Variants in REV3L observed in about 807,000 individuals in gnomAD.
REV3L encodes DNA polymerase zeta catalytic subunit.
In REV3L, 69 loss-of-function variants were observed where a neutral mutation model predicts 299.4. The observed-to-expected ratio is 0.23, with a 90% confidence interval of 0.19 to 0.28. The LOEUF is 0.28. Among genes scored for constraint, REV3L ranks in the 10% least tolerant of loss-of-function variants. The pLI, the probability that REV3L is intolerant of heterozygous loss-of-function variation, is 1.00. For missense variants in REV3L, 3,128 were observed against 3,693.8 expected (o/e 0.85, Z 3.97); for synonymous variants, 1,238 against 1,271.4 (o/e 0.97, Z 0.56).
At chr6:111,470,151 A>G (rs894460926) in intron 1 of REV3L, among the ~76,000 whole-genome samples, 1 of 151,992 alleles carries the variant, frequency 6.6e-6, no homozygotes, top group African/African-American at 2.4e-5. Context: ...AAATGGGTTA[A>G]GAGTACCAGG....
chr6:111,333,055 A>T lies in REV3L; in HGVS notation c.7925+68T>A, dbSNP rs1017789227. On this transcript the variant is annotated intron_variant, in intron 23 of 31. Coordinates refer to ENST00000368802, the MANE Select transcript of REV3L (RefSeq NM_001372078.1). ...GTGTCCAGAGCAAAGAGACACTCAGAAAGTGTCTAATTTTAGTAAGAAGTA... is the reference window on the plus strand; with the variant it reads ...GTGTCCAGAGCAAAGAGACACTCAGTAAGTGTCTAATTTTAGTAAGAAGTA... 8.4e-6 allele frequency: 13 copies of T among 1,553,684 alleles called. No homozygotes were observed. The African/African-American group carries it at 1.2e-4, about 15-fold the overall frequency.
intron 18 of REV3L, chr6:111,353,560 C>T (rs1777789162): frequency 6.6e-6 from 1 of 152,066 alleles, no homozygotes; most frequent in Non-Finnish European, 1.5e-5. Context: ...TGCTGAGCAG[C>T]CTTCAAACTT....
chr6:111,347,545 TAGAA>T (rs1383869095), intron 20 of REV3L, among the ~76,000 whole-genome samples: 2 of 152,156 alleles, frequency 1.3e-5, no homozygotes, highest in East Asian at 3.8e-4. Flanking sequence ...AAGTATATAA[TAGAA>T]AGTGTCTAAT....
intron 26 of REV3L, among the ~76,000 whole-genome samples, chr6:111,320,130 G>A (rs1229553585): frequency 1.3e-5 from 2 of 151,282 alleles, no homozygotes; most frequent in Non-Finnish European, 2.9e-5. Context: ...GTGCAATGGC[G>A]CAATCTTGGC....
chr6:111,416,355 G>A lies in REV3L; in HGVS notation c.257C>T (p.Ala86Val), dbSNP rs1232965917. Reference protein sequence around the residue: ...LSQMAFSIDRALNVALGNPSS... With the variant: ...LSQMAFSIDRVLNVALGNPSS... ...TGGATTGCCTAAAGCCACATTAAGT[G>A]CTCTGTCGATACTGAATGCCATCTG... The change falls in exon 2 of 32, where the codon GCA (alanine) becomes GTA (valine). Residue 86 changes from alanine to valine, a missense_variant. Physicochemically the swap from Ala to Val is moderately conservative, Grantham distance 64. This residue lies in a region of REV3L where 2,409 missense variants were observed against 2,611.8 expected (regional missense o/e 0.92). Transcript: ENST00000368802. 1.2e-6 allele frequency: 2 copies of A among 1,613,602 alleles called. No individual in the cohort carries two copies. The highest frequency in any genetic ancestry group is 1.7e-6 in the Non-Finnish European group (2 of 1,179,700).
intron 1 of REV3L, among the ~76,000 whole-genome samples, chr6:111,422,599 T>C (rs531395364): frequency 0.019 from 288 of 14,996 alleles, 50 homozygotes; most frequent in African/African-American, 0.025. Flanking sequence ...TATATACACA[T>C]ATATATATAT....
chr6:111,411,239 T>C (rs1225248058), intron 3 of REV3L, among the ~76,000 whole-genome samples: 8 of 152,192 alleles, frequency 5.3e-5, no homozygotes, highest in Non-Finnish European at 1.2e-4. Flanking sequence ...TAATCTCTCC[T>C]AACCTACTTC....
Position 111,299,860 on chromosome 6 carries a change from G to T in REV3L, c.*156C>A. 1 of 614,942 alleles carries T rather than the reference G, an allele frequency of 1.6e-6. No individual in the cohort carries two copies. The highest frequency in any genetic ancestry group is 2.7e-6 in the Non-Finnish European group (1 of 376,200). 38.1% of individuals were successfully genotyped at this position (614,942 alleles called of 1,614,324 possible). The stretch of plus-strand genomic sequence containing the variant: ...AAGTGAGCTATTCAGAGATCAACAA[G>T]TACATTTTAATTCGGTTAGCATAGA... On this transcript the variant is annotated 3_prime_UTR_variant, in exon 32 of 32. Coordinates refer to ENST00000368802, the MANE Select transcript of REV3L (RefSeq NM_001372078.1).
intron 1 of REV3L, among the ~76,000 whole-genome samples, chr6:111,452,665 G>C (rs1226249784): frequency 5.3e-5 from 8 of 152,128 alleles, no homozygotes; most frequent in Non-Finnish European, 1.0e-4. Context: ...TTACTAAAAG[G>C]AGCACAAGGG....
At chr6:111,330,905 T>C (rs957114796) in intron 24 of REV3L, 1 of 824,568 alleles carries the variant, frequency 1.2e-6, no homozygotes, top group Non-Finnish European at 1.5e-6. Context: ...ATTTTCTTCA[T>C]CTACATGGCT....
At chr6:111,440,047 TC>T (rs1050069659) in intron 1 of REV3L, among the ~76,000 whole-genome samples, 5 of 152,048 alleles carry the variant, frequency 3.3e-5, no homozygotes, top group African/African-American at 1.2e-4. Context: ...TTCCAAGAGT[TC>T]ACTGAATCCT....
chr6:111,416,844 T>G (rs1369457101), intron 1 of REV3L, among the ~76,000 whole-genome samples: 2 of 152,162 alleles, frequency 1.3e-5, no homozygotes, highest in Non-Finnish European at 2.9e-5. Flanking sequence ...AAAAGTTTAC[T>G]AAATAAATCA....
At chr6:111,436,654 A>C (rs1176163186) in intron 1 of REV3L, among the ~76,000 whole-genome samples, 2 of 152,262 alleles carry the variant, frequency 1.3e-5, no homozygotes, top group East Asian at 3.9e-4. Context: ...GGATGAAGAG[A>C]GGTTGATTAA....
intron 10 of REV3L, 88 bp downstream of exon 10, chr6:111,381,237 C>A: frequency 1.4e-6 from 2 of 1,381,822 alleles, no homozygotes; most frequent in Non-Finnish European, 2.0e-6. Flanking sequence ...TTTACCTCTT[C>A]AAGTCAATAA....
At chr6:111,404,261 TA>T (rs1351257786) in intron 4 of REV3L, among the ~76,000 whole-genome samples, 1 of 152,200 alleles carries the variant, frequency 6.6e-6, no homozygotes, top group African/African-American at 2.4e-5. Flanking sequence ...GATGACAGTA[TA>T]ACAGTTGCAG....
At chr6:111,349,034 A>G (rs1486640454) in intron 20 of REV3L, 184 bp downstream of exon 20, 1 of 431,806 alleles carries the variant, frequency 2.3e-6, no homozygotes. Flanking sequence ...CACTTAAAAC[A>G]TTAAAGTCTA....
Position 111,374,374 on chromosome 6 carries a change from T to C in REV3L, c.3981A>G (p.Ile1327Met). 1 of 1,614,018 alleles carries C rather than the reference T, an allele frequency of 6.2e-7. No individual in the cohort carries two copies. Among genetic ancestry groups the C allele is most frequent in the South Asian group, 1.1e-5 (1 of 91,076 alleles). ...CATTAATTTTTGAGACTCCAGGTCCTATAGAATTACAAACAACTGATGGAT... is the reference window on the plus strand; with the variant it reads ...CATTAATTTTTGAGACTCCAGGTCCCATAGAATTACAAACAACTGATGGAT... ...DLHPSVVCNS[I>M]GPGVSKINVQ... The change falls in exon 13 of 32, where the codon ATA becomes ATG. Residue 1327 changes from isoleucine (I) to methionine (M), a missense_variant. Ile to Met is a conservative substitution (Grantham distance 10). Transcript: ENST00000368802.
At chr6:111,409,330 G>A (rs1783992152) in intron 3 of REV3L, among the ~76,000 whole-genome samples, 1 of 148,106 alleles carries the variant, frequency 6.8e-6, no homozygotes. Context: ...TTTTTACCAT[G>A]TCCTAATGGA....
chr6:111,418,480 T>C (rs1445732373), intron 1 of REV3L, among the ~76,000 whole-genome samples: 2 of 152,182 alleles, frequency 1.3e-5, no homozygotes, highest in East Asian at 1.9e-4. Flanking sequence ...GCTTCAGAAC[T>C]ACAACAATTT....
Sources: gnomAD v4.1 joint callset for allele counts (sites outside exome capture counted in the v4.1 genomes callset) on GRCh38, gnomAD v4.1.1 for gene constraint, gnomAD v4.1.1 regional missense constraint, MANE v1.5 for transcripts, NCBI Gene and HGNC (gene_info 2026-07-23, HGNC 2026-07-21) for gene names.